KCNN2: variants seen among roughly 807,000 people sequenced by gnomAD.
KCNN2 encodes potassium calcium-activated channel subfamily N member 2.
In KCNN2, 24 loss-of-function variants were observed where a neutral mutation model predicts 55.5. The observed-to-expected ratio is 0.43, with a 90% confidence interval of 0.31 to 0.61. The LOEUF is 0.61. Ranked by LOEUF, KCNN2 falls within the 20% of genes least tolerant of loss-of-function variation. KCNN2 has a pLI of 0.08. For missense variants in KCNN2, 754 were observed against 853.6 expected, an observed-to-expected ratio of 0.88 and a Z score of 1.45; for synonymous variants, 431 against 336.1, an observed-to-expected ratio of 1.28 and a Z score of -3.09.
intron 1 of KCNN2, among the ~76,000 whole-genome samples, chr5:114,066,155 G>C (rs1224562449): frequency 6.6e-6 from 1 of 152,154 alleles, no homozygotes; most frequent in Non-Finnish European, 1.5e-5. Context: ...GTAGCACAAA[G>C]GCCATGGGAT....
At chr5:114,466,372 T>TATCA (rs1221052830) in intron 4 of KCNN2, among the ~76,000 whole-genome samples, 2 of 152,120 alleles carry the variant, frequency 1.3e-5, no homozygotes, top group Non-Finnish European at 2.9e-5. Context: ...TCACAGTGTC[T>TATCA]ATCAGCTTTT....
intron 2 of KCNN2, among the ~76,000 whole-genome samples, chr5:114,254,278 A>T (rs955984529): frequency 1.2e-4 from 19 of 152,332 alleles, no homozygotes; most frequent in African/African-American, 4.6e-4. Flanking sequence ...AAGCAAATGT[A>T]TTATAAACAC....
intron 6 of KCNN2, among the ~76,000 whole-genome samples, chr5:114,492,142 G>A (rs944314474): frequency 1.3e-5 from 2 of 152,068 alleles, no homozygotes; most frequent in African/African-American, 2.4e-5. Context: ...TAAACTTACT[G>A]GCAGAAGGCA....
chr5:114,071,264 A>G (rs1002728031), intron 1 of KCNN2, among the ~76,000 whole-genome samples: 1 of 152,170 alleles, frequency 6.6e-6, no homozygotes, highest in African/African-American at 2.4e-5. Context: ...AAAATTCCCT[A>G]AACTACAGAG....
chr5:114,195,217 GAAAA>G lies in KCNN2; in HGVS notation c.-270-26256_-270-26253del, dbSNP rs1054807501. Among the ~76,000 whole-genome samples, 18 of 145,052 alleles carry G rather than the reference GAAAA, an allele frequency of 1.2e-4. No individual in the cohort carries two copies. The East Asian group carries it at 3.6e-3, about 29-fold the overall frequency. On this transcript the variant is annotated intron_variant, in intron 1 of 10. Transcript: ENST00000512097. ...TTTTAAGATCAGTGTGATTTCTGCC[GAAAA>G]AAAAAAGCCAGCTAGAATTTTAATA...
At chr5:114,327,325 G>T (rs544350392) in intron 2 of KCNN2, among the ~76,000 whole-genome samples, 1 of 152,132 alleles carries the variant, frequency 6.6e-6, no homozygotes, top group African/African-American at 2.4e-5. Context: ...AACCTATGCG[G>T]GAGCAGAGTG....
At position 114,326,523 on chromosome 5, in the gene KCNN2, G is replaced by A. The variant is rs529416852; in HGVS notation, c.-184-34422G>A. On this transcript the variant is annotated intron_variant, in intron 2 of 10. Transcript: ENST00000512097. Reference sequence around the variant, plus strand: ...GTGCCATGGCCAGTTCTGCCTGTGGGTCCATGTTCAAAGGTGAGTGCCTCT... The same window carrying A: ...GTGCCATGGCCAGTTCTGCCTGTGGATCCATGTTCAAAGGTGAGTGCCTCT... Among the ~76,000 whole-genome samples, 3 of 152,248 alleles carry A rather than the reference G, an allele frequency of 2.0e-5. No individual in the cohort carries two copies. The South Asian group carries it at 6.2e-4, about 32-fold the overall frequency.
At chr5:114,168,628 T>C (rs1752967796) in intron 1 of KCNN2, among the ~76,000 whole-genome samples, 1 of 152,106 alleles carries the variant, frequency 6.6e-6, no homozygotes, top group Admixed American at 6.6e-5. Flanking sequence ...TCAGGATATT[T>C]TACTGGCTAA....
intron 2 of KCNN2, among the ~76,000 whole-genome samples, chr5:114,326,320 G>C (rs1324092443): frequency 6.6e-6 from 1 of 152,172 alleles, no homozygotes; most frequent in Non-Finnish European, 1.5e-5. Context: ...ATGGACAATG[G>C]GGCAGAAGGC....
chr5:114,366,054 A>C (rs976575610), intron 2 of KCNN2, among the ~76,000 whole-genome samples: 1 of 152,230 alleles, frequency 6.6e-6, no homozygotes, highest in Admixed American at 6.5e-5. Flanking sequence ...TAACTATTTG[A>C]AAAAATTGAT....
At chr5:114,120,941 C>A (rs1751820076) in intron 1 of KCNN2, among the ~76,000 whole-genome samples, 1 of 152,322 alleles carries the variant, frequency 6.6e-6, no homozygotes, top group Non-Finnish European at 1.5e-5. Flanking sequence ...AGCAGTACTT[C>A]CCTTAGACCT....
intron 2 of KCNN2, among the ~76,000 whole-genome samples, chr5:114,379,986 T>C (rs1359725243): frequency 1.3e-5 from 2 of 151,062 alleles, no homozygotes; most frequent in Non-Finnish European, 2.9e-5. Context: ...GTGTTATACA[T>C]GTCATTTACA....
intron 2 of KCNN2, among the ~76,000 whole-genome samples, chr5:114,284,270 G>T (rs574198632): frequency 1.3e-5 from 2 of 152,156 alleles, no homozygotes; most frequent in African/African-American, 2.4e-5. Context: ...CAGCAAAAGG[G>T]TTAGTGCAAA....
intron 2 of KCNN2, among the ~76,000 whole-genome samples, chr5:114,399,938 T>G (rs990101886): frequency 1.3e-5 from 2 of 151,034 alleles, no homozygotes; most frequent in Non-Finnish European, 3.0e-5. Context: ...TTGTTTTTTT[T>G]TTTTGTATTT....
intron 2 of KCNN2, among the ~76,000 whole-genome samples, chr5:114,321,101 A>T (rs1756605837): frequency 6.6e-6 from 1 of 152,176 alleles, no homozygotes; most frequent in South Asian, 2.1e-4. Context: ...ACGTCTTTGC[A>T]TAGAGAGGTC....
At chr5:114,426,576 A>C (rs988778741) in intron 3 of KCNN2, among the ~76,000 whole-genome samples, 6 of 152,106 alleles carry the variant, frequency 3.9e-5, no homozygotes, top group Non-Finnish European at 7.4e-5. Context: ...TTCTTCTTTA[A>C]ACATAAGGTA....
intron 4 of KCNN2, among the ~76,000 whole-genome samples, chr5:114,471,409 C>T (rs925163178): frequency 3.9e-5 from 6 of 151,950 alleles, no homozygotes; most frequent in Admixed American, 2.0e-4. Context: ...CAAAAGAAAA[C>T]GGTCTATAAT....
chr5:114,318,115 T>G (rs1280405603), intron 2 of KCNN2, among the ~76,000 whole-genome samples: 1 of 152,226 alleles, frequency 6.6e-6, no homozygotes, highest in African/African-American at 2.4e-5. Flanking sequence ...ACTGTCCTAC[T>G]CATCTCCTGT....
intron 2 of KCNN2, among the ~76,000 whole-genome samples, chr5:114,390,018 G>C (rs1758409828): frequency 6.6e-6 from 1 of 152,058 alleles, no homozygotes; most frequent in Non-Finnish European, 1.5e-5. Context: ...AATTGCCTGT[G>C]CTTTAACTGG....
Sources: allele counts gnomAD v4.1 joint callset (sites outside exome capture counted in the v4.1 genomes callset), GRCh38; gene constraint gnomAD v4.1.1; transcripts MANE v1.5; gene names NCBI Gene and HGNC (gene_info 2026-07-23, HGNC 2026-07-21).